Variants in ZNF341 observed in about 807,000 individuals in gnomAD.
ZNF341 encodes the protein zinc finger protein 341.
In ZNF341, 52 loss-of-function variants were observed where a neutral mutation model predicts 87.7. The ratio of observed to expected loss-of-function variants is 0.59; its 90% CI spans 0.47 to 0.75. The LOEUF (loss-of-function observed/expected upper bound fraction) is 0.75. Among genes scored for constraint, ZNF341 ranks in the 30% least tolerant of loss-of-function variants. The pLI, the probability that ZNF341 is intolerant of heterozygous loss-of-function variation, is 0.00. For missense variants in ZNF341, 977 were observed against 1,145.9 expected (o/e 0.85, Z 2.13); for synonymous variants, 459 against 472.7 (o/e 0.97, Z 0.38).
chr20:33,766,960 C>G lies in ZNF341; in HGVS notation c.1332C>G (p.Ser444=), dbSNP rs146689896. ...AGCAGGTGGTCCTCATCGACAGCTC[C>G]TACCTGTGCCAATTCTGCCCCAGCA... ...ESKQVVLIDS[S]YLCQFCPSKF... The change falls in exon 9 of 15, where the codon TCC becomes TCG. Residue 444 remains serine (S), a synonymous_variant. Transcript: ENST00000375200. 3.0e-5 allele frequency: 48 copies of G among 1,614,080 alleles called. No homozygotes were observed. Among genetic ancestry groups the G allele is most frequent in the African/African-American group, 4.0e-5 (3 of 74,928 alleles).
chr20:33,769,474 A>T (rs2019479969), intron 9 of ZNF341, among the ~76,000 whole-genome samples: 1 of 152,116 alleles, frequency 6.6e-6, no homozygotes, highest in Non-Finnish European at 1.5e-5. Context: ...CCAGTATGAC[A>T]TTGAAAGGGT....
intron 13 of ZNF341, among the ~76,000 whole-genome samples, chr20:33,789,313 G>A (rs2019946500): frequency 6.6e-6 from 1 of 152,130 alleles, no homozygotes; most frequent in African/African-American, 2.4e-5. Flanking sequence ...AAAGTGCTGA[G>A]ATTACAGGCG....
At chr20:33,747,631 AAAAAAAAAAAAC>A (rs1364294682) in intron 3 of ZNF341, among the ~76,000 whole-genome samples, 7 of 132,600 alleles carry the variant, frequency 5.3e-5, no homozygotes, top group African/African-American at 7.6e-5. Flanking sequence ...AAAAAAAAAA[AAAAAAAAAAAAC>A]ACAGTCATTT....
At chr20:33,778,387 G>A (rs369781123) in intron 10 of ZNF341, among the ~76,000 whole-genome samples, 1 of 151,894 alleles carries the variant, frequency 6.6e-6, no homozygotes, top group Admixed American at 6.6e-5. Flanking sequence ...TTGGCTCACC[G>A]CAACCTCTGC....
Position 33,791,373 on chromosome 20 carries a change from T to G in ZNF341, c.2421T>G (p.Gly807=), listed in dbSNP as rs760203693. 3.1e-6 allele frequency: 5 copies of G among 1,612,720 alleles called. No homozygotes were observed. The highest frequency in any genetic ancestry group is 3.3e-5 in the Admixed American group (2 of 60,004). The change falls in exon 15 of 15, where the codon GGT becomes GGG. Residue 807 remains glycine, a synonymous_variant. Coordinates refer to ENST00000375200, the MANE Select transcript of ZNF341 (RefSeq NM_001282933.2). ...CGGTGCTGTCCATCGTTGTGGGTGG[T>G]GCGGTGGGCGCGGAAACTGAGCTGG... ...PDAVLSIVVG[G]AVGAETELVV... is the part of the protein sequence containing the mutation.
At position 33,739,956 on chromosome 20, in the gene ZNF341, C is replaced by T. The variant is rs1435254062; in HGVS notation, c.32-946C>T. Reference sequence around the variant, plus strand: ...CTCAGCTCACTGCAACCTCTGCCTCCTGGGTCCAAGTGATTCTCCTGCCTC... The same window carrying T: ...CTCAGCTCACTGCAACCTCTGCCTCTTGGGTCCAAGTGATTCTCCTGCCTC... On this transcript the variant is annotated intron_variant, in intron 1 of 14. Transcript: ENST00000375200. 3.3e-5 allele frequency among the ~76,000 whole-genome samples: 5 copies of T among 152,188 alleles called. No homozygotes were observed. In the East Asian group the frequency reaches 9.6e-4, roughly 29 times the overall value.
At position 33,741,000 on chromosome 20, in the gene ZNF341, A is replaced by T. The variant is rs918201767; in HGVS notation, c.130A>T (p.Ile44Phe). ...TGQSVNAPPAIQPLDDEDVFL... is the reference protein window; with the variant it reads ...TGQSVNAPPAFQPLDDEDVFL... ...CCAGAGTGTCAATGCGCCCCCTGCT[A>T]TCCAGCCATTGGGTGAGTATCTGCT... The change falls in exon 2 of 15, where the codon ATC (isoleucine) becomes TTC (phenylalanine). Residue 44 changes from isoleucine to phenylalanine, a missense_variant. By Grantham distance (21) the Ile-to-Phe change is conservative. Around this residue, in one of 3 missense-constraint regions of ZNF341, gnomAD observed 515 missense variants for 598.2 expected, o/e 0.86. Coordinates refer to ENST00000375200, the MANE Select transcript of ZNF341 (RefSeq NM_001282933.2). The T allele has an allele frequency of 3.7e-6, 6 of 1,613,986 alleles. No individual in the cohort carries two copies. The African/African-American group carries it at 8.0e-5, about 22-fold the overall frequency.
At position 33,791,347 on chromosome 20, in the gene ZNF341, G is replaced by A. The variant is rs770089054; in HGVS notation, c.2395G>A (p.Ala799Thr). 12 of 1,612,280 alleles carry A rather than the reference G, an allele frequency of 7.4e-6. No homozygotes were observed. Among genetic ancestry groups the A allele is most frequent in the Admixed American group, 3.3e-5 (2 of 59,968 alleles). Reference protein sequence around the residue: ...PGKPPFAEPDAVLSIVVGGAV... With the variant: ...PGKPPFAEPDTVLSIVVGGAV... ...CAAGCCGCCCTTCGCAGAGCCGGAC[G>A]CGGTGCTGTCCATCGTTGTGGGTGG... Residue 799 changes from alanine to threonine, a missense_variant, in exon 15 of 15, where the codon GCG becomes ACG. Physicochemically the swap from Ala to Thr is moderately conservative, Grantham distance 58. Coordinates refer to ENST00000375200, the MANE Select transcript of ZNF341 (RefSeq NM_001282933.2).
chr20:33,784,598 G>A (rs2019814337), intron 12 of ZNF341, among the ~76,000 whole-genome samples: 1 of 147,552 alleles, frequency 6.8e-6, no homozygotes, highest in African/African-American at 2.5e-5. Flanking sequence ...GAGGTTGTGT[G>A]GAAGGGACTT....
intron 7 of ZNF341, among the ~76,000 whole-genome samples, chr20:33,759,815 A>T (rs961955271): frequency 5.3e-5 from 8 of 152,112 alleles, no homozygotes; most frequent in Non-Finnish European, 1.2e-4. Flanking sequence ...CAAACCTCAC[A>T]TTCCAGCCAT....
intron 10 of ZNF341, among the ~76,000 whole-genome samples, chr20:33,772,014 A>AAAAAAAAAAAAAAC (rs2019543725): frequency 1.4e-5 from 2 of 142,714 alleles, no homozygotes; most frequent in Admixed American, 6.9e-5. Flanking sequence ...TTGTCTTAAA[A>AAAAAAAAAAAAAAC]AAAAAAAAAA....
intron 8 of ZNF341, among the ~76,000 whole-genome samples, chr20:33,765,647 T>G (rs550026238): frequency 6.6e-6 from 1 of 152,172 alleles, no homozygotes; most frequent in Non-Finnish European, 1.5e-5. Flanking sequence ...CCTAAAGTGC[T>G]GGGATTATAG....
In ZNF341 at chr20:33,781,368, C is replaced by T. The variant is rs2019739294; in HGVS notation, c.1700C>T (p.Pro567Leu). The change falls in exon 11 of 15, where the codon CCC (proline) becomes CTC (leucine). Residue 567 changes from proline to leucine, a missense_variant. This residue lies in a region of ZNF341 where 241 missense variants were observed against 335.0 expected (regional missense o/e 0.72). Coordinates refer to ENST00000375200, the MANE Select transcript of ZNF341 (RefSeq NM_001282933.2). ...CTGCAGACCGCCACTCACAACTTCC[C>T]CTGCCCACACTGCCAGAAGGTGGGT... ...HHLQTATHNF[P>L]CPHCQKVFPC... 6.2e-7 allele frequency: 1 copy of T among 1,614,002 alleles called. No homozygotes were observed. Among genetic ancestry groups the T allele is most frequent in the Admixed American group, 1.7e-5 (1 of 60,000 alleles).
intron 4 of ZNF341, chr20:33,752,435 C>T: frequency 1.6e-6 from 1 of 607,722 alleles, no homozygotes; most frequent in Non-Finnish European, 3.2e-6. Context: ...CTTCTTGAAG[C>T]CACTCCATGG....
Position 33,732,171 on chromosome 20 carries a change from G to T in ZNF341, c.31+119G>T. On this transcript the variant is annotated intron_variant, in intron 1 of 14. Coordinates refer to ENST00000375200, the MANE Select transcript of ZNF341 (RefSeq NM_001282933.2). This position sits in a 1 kb window ranked among gnomAD's most constrained non-coding sequence, Gnocchi z 4.5. ...CGCGGGGCGGAGGGCGCCGGGGCTG[G>T]AACAGCCGCGGGGCGGGAGGGGCGC... 1.4e-6 allele frequency: 1 copy of T among 737,942 alleles called. No individual in the cohort carries two copies. Among genetic ancestry groups the T allele is most frequent in the South Asian group, 5.9e-5 (1 of 17,092 alleles). 45.7% of individuals were successfully genotyped at this position (737,942 alleles called of 1,614,324 possible).
chr20:33,791,059 C>T lies in ZNF341; in HGVS notation c.2107C>T (p.Arg703Cys), dbSNP rs771655939. ...CCGTGCCCACCTCGCCGAGCATCAGCGCGCCCACACGGGCAACTACAAGTT... is the reference window on the plus strand; with the variant it reads ...CCGTGCCCACCTCGCCGAGCATCAGTGCGCCCACACGGGCAACTACAAGTT... ...SRRAHLAEHQ[R>C]AHTGNYKFRC... The change falls in exon 15 of 15, where the codon CGC becomes TGC. Residue 703 changes from arginine to cysteine, a missense_variant. Physicochemically the swap from Arg to Cys is radical, Grantham distance 180. Around this residue, in one of 3 missense-constraint regions of ZNF341, gnomAD observed 241 missense variants for 335.0 expected, o/e 0.72. Coordinates refer to ENST00000375200, the MANE Select transcript of ZNF341 (RefSeq NM_001282933.2). 1.1e-5 allele frequency: 17 copies of T among 1,613,344 alleles called. No homozygotes were observed. The highest frequency in any genetic ancestry group is 1.6e-4 in the Middle Eastern group (1 of 6,084).
chr20:33,786,954 C>G (rs1386916571), intron 12 of ZNF341: 2 of 118,014 alleles, frequency 1.7e-5, no homozygotes, highest in Non-Finnish European at 3.3e-5. Context: ...GGCAACAGAG[C>G]AAGACTCTGT....
At chr20:33,786,315 C>T (rs1236189182) in intron 12 of ZNF341, among the ~76,000 whole-genome samples, 4 of 152,062 alleles carry the variant, frequency 2.6e-5, no homozygotes, top group African/African-American at 9.7e-5. Flanking sequence ...ATGTATGAAC[C>T]GTTAAATTAC....
chr20:33,747,341 C>T (rs1458928180), intron 3 of ZNF341, among the ~76,000 whole-genome samples: 1 of 136,400 alleles, frequency 7.3e-6, no homozygotes, highest in Non-Finnish European at 1.5e-5. Flanking sequence ...TTTGGCCGGG[C>T]GCGGTGGCTC....
Sources: gnomAD v4.1 joint callset for allele counts (sites outside exome capture counted in the v4.1 genomes callset) on GRCh38, gnomAD v4.1.1 for gene constraint, gnomAD v4.1.1 regional missense constraint, Gnocchi (gnomAD v3.1) non-coding constraint, MANE v1.5 for transcripts, NCBI Gene and HGNC (gene_info 2026-07-23, HGNC 2026-07-21) for gene names.